USP24: variants seen among roughly 807,000 people sequenced by gnomAD.
USP24 encodes the protein ubiquitin specific peptidase 24, also known as ubiquitin carboxyl-terminal hydrolase 24.
Under a neutral mutation model 361.6 loss-of-function variants are expected in USP24, and 97 were observed. That is an observed-to-expected ratio of 0.27 (90% CI 0.23 to 0.32). The LOEUF (loss-of-function observed/expected upper bound fraction) is 0.32. USP24 is among the 10% of genes least tolerant of loss of function. The pLI is 1.00. For synonymous variants in USP24, 1,098 were observed against 1,124.6 expected, an observed-to-expected ratio of 0.98 and a Z score of 0.47; for missense variants, 2,353 against 3,165.6, an observed-to-expected ratio of 0.74 and a Z score of 6.16.
chr1:55,092,088 C>A lies in USP24; in HGVS notation c.6489G>T (p.Lys2163Asn). 6.2e-7 allele frequency: 1 copy of A among 1,612,686 alleles called. No homozygotes were observed. The highest frequency in any genetic ancestry group is 8.5e-7 in the Non-Finnish European group (1 of 1,179,330). Residue 2163 changes from lysine (K) to asparagine (N), a missense_variant, in exon 54 of 68, where the codon AAG (lysine) becomes AAT (asparagine). Physicochemically the swap from Lys to Asn is moderately conservative, Grantham distance 94 (BLOSUM62 0). Around this residue, in one of 8 missense-constraint regions of USP24, gnomAD observed 598 missense variants for 761.9 expected, o/e 0.78. Transcript: ENST00000294383. ...ATTGAATAGCAAGCTGTAAGCTCAC[C>A]TTTGCCATGCAAGGATAATATGGAT... ...LKHPYYPCMA[K>N]VSLQLAIQFL...
chr1:55,129,104 T>C lies in USP24; in HGVS notation c.3635+373A>G, dbSNP rs118171424. ...CTGCCTCTCAAAGGCAGAGATAATA[T>C]CTAATTTATCTTTGCATCCCCAGCA... On this transcript the variant is annotated intron_variant, in intron 32 of 67. Transcript: ENST00000294383. 1.6e-3 allele frequency among the ~76,000 whole-genome samples: 243 copies of C among 152,266 alleles called. 2 individuals are homozygous for C. In the East Asian group the frequency reaches 0.04, roughly 25 times the overall value.
intron 20 of USP24, among the ~76,000 whole-genome samples, chr1:55,145,024 A>G (rs1646991192): frequency 6.6e-6 from 1 of 152,204 alleles, no homozygotes; most frequent in Non-Finnish European, 1.5e-5. Context: ...AGATAATAAC[A>G]AGTATTGTTG....
intron 1 of USP24, among the ~76,000 whole-genome samples, chr1:55,206,974 C>G (rs1039344344): frequency 5.3e-5 from 8 of 152,056 alleles, no homozygotes; most frequent in Admixed American, 1.3e-4. Flanking sequence ...CGAGACCAGC[C>G]TGCGCAACAT....
At position 55,096,411 on chromosome 1, in the gene USP24, G is replaced by T. The variant is rs749296918; in HGVS notation, c.6061+87C>A. ...TACAATAAAAATAACAAAATCTGTTGTGTTTTTATATAAAGAATACTATTA... is the reference window on the plus strand; with the variant it reads ...TACAATAAAAATAACAAAATCTGTTTTGTTTTTATATAAAGAATACTATTA... On this transcript the variant is annotated intron_variant, in intron 50 of 67. Coordinates refer to ENST00000294383, the MANE Select transcript of USP24 (RefSeq NM_015306.3). The T allele has an allele frequency of 4.0e-4, 446 of 1,106,122 alleles. 2 individuals are homozygous for T. Among genetic ancestry groups the T allele is most frequent in the Non-Finnish European group, 5.0e-4 (419 of 833,096 alleles). The allele number at this position is 1,106,122 out of a possible 1,614,324, so 68.5% of individuals were successfully genotyped here. A position where few individuals can be genotyped will look rare whatever the true frequency, so the allele number is the denominator to read the frequency against.
intron 20 of USP24, among the ~76,000 whole-genome samples, chr1:55,144,716 C>T (rs567609798): frequency 6.6e-6 from 1 of 152,268 alleles, no homozygotes; most frequent in African/African-American, 2.4e-5. Flanking sequence ...AGGAGGATCA[C>T]CTGAGGTCTG....
chr1:55,108,297 A>G (rs1645849049), intron 39 of USP24, among the ~76,000 whole-genome samples: 1 of 152,168 alleles, frequency 6.6e-6, no homozygotes, highest in African/African-American at 2.4e-5. Context: ...AAGGACTTAA[A>G]GCACAATTTC....
intron 67 of USP24, among the ~76,000 whole-genome samples, chr1:55,070,262 G>A (rs149342070): frequency 1.6e-4 from 24 of 152,238 alleles, no homozygotes; most frequent in Non-Finnish European, 2.8e-4. Context: ...AAGAGAGCTG[G>A]ATGTTCATGT....
intron 15 of USP24, 50 bp from the exon 16 acceptor site, chr1:55,153,967 C>T (rs746522514): frequency 2.7e-5 from 41 of 1,541,670 alleles, no homozygotes; most frequent in Non-Finnish European, 3.3e-5. Flanking sequence ...AAAGCAATAC[C>T]TATAATTTCC....
Position 55,147,716 on chromosome 1 carries a change from G to C in USP24, c.2051C>G (p.Ala684Gly). The change falls in exon 18 of 68, where the codon GCT becomes GGT. Residue 684 changes from alanine (A) to glycine (G), a missense_variant. Ala to Gly is a moderately conservative substitution (Grantham distance 60, BLOSUM62 0). Coordinates refer to ENST00000294383, the MANE Select transcript of USP24 (RefSeq NM_015306.3). Reference sequence around the variant, plus strand: ...TAAGCCTCCAGGCCCGGCCACAGCAGCTGCAAGCCGATGACAAGCGATCAA... The same window carrying C: ...TAAGCCTCCAGGCCCGGCCACAGCACCTGCAAGCCGATGACAAGCGATCAA... ...GSLIACHRLA[A>G]AVAGPGGLSG... 1 of 1,612,350 alleles carries C rather than the reference G, an allele frequency of 6.2e-7. No homozygotes were observed. The highest frequency in any genetic ancestry group is 8.5e-7 in the Non-Finnish European group (1 of 1,179,110).
At chr1:55,116,843 T>G (rs1646130034) in intron 38 of USP24, among the ~76,000 whole-genome samples, 1 of 152,190 alleles carries the variant, frequency 6.6e-6, no homozygotes, top group African/African-American at 2.4e-5. Context: ...TCCTGACTTA[T>G]TCTATGACAC....
chr1:55,072,428 A>G lies in USP24; in HGVS notation c.7603-25T>C, dbSNP rs370118635. ...TCTGAGATGAAAGGTCAAAAATGCC[A>G]TCAGAGGTGACAAATAAGCCCCCAT... is the stretch of plus-strand genomic sequence containing the variant. On this transcript the variant is annotated intron_variant, in intron 65 of 67. Transcript: ENST00000294383. 1.3e-5 allele frequency: 21 copies of G among 1,591,844 alleles called. No homozygotes were observed. In the African/African-American group the frequency reaches 2.8e-4, roughly 21 times the overall value.
chr1:55,197,425 G>A (rs1471661873), intron 1 of USP24, among the ~76,000 whole-genome samples: 1 of 152,244 alleles, frequency 6.6e-6, no homozygotes, highest in African/African-American at 2.4e-5. Context: ...CCCTAAGACA[G>A]AGTGGGTGCT....
intron 1 of USP24, among the ~76,000 whole-genome samples, chr1:55,213,378 G>A (rs574513692): frequency 6.6e-5 from 10 of 152,232 alleles, no homozygotes; most frequent in Non-Finnish European, 1.0e-4. Flanking sequence ...TCTAAGTGTG[G>A]AAGCCAAAGA....
At chr1:55,193,451 G>T (rs1644340170) in intron 1 of USP24, among the ~76,000 whole-genome samples, 2 of 152,100 alleles carry the variant, frequency 1.3e-5, no homozygotes, top group Non-Finnish European at 2.9e-5. Flanking sequence ...CATATAGAGG[G>T]TAACCTTCAT....
chr1:55,088,128 G>A (rs1283016326), intron 55 of USP24, among the ~76,000 whole-genome samples: 2 of 152,212 alleles, frequency 1.3e-5, no homozygotes, highest in South Asian at 4.1e-4. Flanking sequence ...TAACCAGAGA[G>A]GTAATGTGAT....
rs770741719 is a variant in USP24, at chr1:55,103,884, C to G, written c.5017G>C (p.Glu1673Gln). The G allele has an allele frequency of 1.2e-6, 2 of 1,610,846 alleles. No homozygotes were observed. The highest frequency in any genetic ancestry group is 1.7e-6 in the Non-Finnish European group (2 of 1,178,672). ...ACGTCTAGAAAACCTACATCAAACT[C>G]CTTGGTAAGAGCAGGGTCAGGCTGG... is the stretch of plus-strand genomic sequence containing the variant. ...HHQPDPALTKEFDYLPPVDSR... is the reference protein window; with the variant it reads ...HHQPDPALTKQFDYLPPVDSR... Residue 1673 changes from glutamate (E) to glutamine (Q), a missense_variant, in exon 42 of 68, where the codon GAG becomes CAG. Physicochemically the swap from Glu to Gln is conservative, Grantham distance 29. Coordinates refer to ENST00000294383, the MANE Select transcript of USP24 (RefSeq NM_015306.3).
chr1:55,083,438 T>C, intron 57 of USP24, 74 bp from the exon 58 acceptor site: 1 of 1,418,908 alleles, frequency 7.0e-7, no homozygotes, highest in Non-Finnish European at 9.8e-7. Flanking sequence ...CACAGCTAAA[T>C]GGAAAGTTTT....
At chr1:55,104,055 G>C (rs1243768141) in intron 41 of USP24, 35 bp from the exon 42 acceptor site, 1 of 1,566,442 alleles carries the variant, frequency 6.4e-7, no homozygotes, top group Non-Finnish European at 8.6e-7. Flanking sequence ...TTTCAACAAT[G>C]AATAATCTAC....
chr1:55,101,757 C>T, intron 42 of USP24, 54 bp from the exon 43 acceptor site: 1 of 1,517,414 alleles, frequency 6.6e-7, no homozygotes, highest in South Asian at 1.3e-5. Context: ...ATTTCTGCCA[C>T]AGACACATTT....
Sources: allele counts gnomAD v4.1 joint callset (sites outside exome capture counted in the v4.1 genomes callset), GRCh38; gene constraint gnomAD v4.1.1; regional missense constraint gnomAD v4.1.1; transcripts MANE v1.5; gene names NCBI Gene and HGNC (gene_info 2026-07-23, HGNC 2026-07-21).